The following BNC2 variants were observed in gnomAD, a reference collection of about 807,000 sequenced individuals.
The protein encoded by BNC2 is zinc finger protein basonuclin-2.
A neutral mutation model predicts 76.3 loss-of-function variants in BNC2; 20 were observed. That is an observed-to-expected ratio of 0.26 (90% confidence interval 0.18 to 0.38). BNC2 has a LOEUF of 0.38. Among genes scored for constraint, BNC2 ranks in the 10% least tolerant of loss-of-function variants. The pLI is 1.00. For missense variants in BNC2, 1,382 were observed against 1,399.8 expected (o/e 0.99, Z 0.20); for synonymous variants, 582 against 514.8 (o/e 1.13, Z -1.77).
chr9:16,777,122 G>A (rs1220763065), intron 1 of BNC2, among the ~76,000 whole-genome samples: 1 of 151,356 alleles, frequency 6.6e-6, no homozygotes, highest in Admixed American at 6.6e-5. Context: ...TGAGACTCCT[G>A]TCTCAAAAAA....
At chr9:16,525,564 C>T (rs1030940016) in intron 5 of BNC2, among the ~76,000 whole-genome samples, 1 of 152,154 alleles carries the variant, frequency 6.6e-6, no homozygotes, top group African/African-American at 2.4e-5. Context: ...CCCCTATCAA[C>T]AACCAGAATA....
rs563058551 is a variant in BNC2 at position 16,520,465 on chromosome 9, C to A, written c.669+32065G>T. On this transcript the variant is annotated intron_variant, in intron 5 of 6. Coordinates refer to ENST00000380672, the MANE Select transcript of BNC2 (RefSeq NM_017637.6). ...CAATCTGAATGGAGAGCATGAGATT[C>A]CTATTCCTCTGCAATATTGCAGGTA... Among the ~76,000 whole-genome samples, 23 of 152,254 alleles carry A rather than the reference C, an allele frequency of 1.5e-4. 1 individual carries two copies. Among genetic ancestry groups the A allele is most frequent in the Admixed American group, 1.4e-3 (22 of 15,290 alleles).
At chr9:16,818,872 A>G (rs1231532828) in intron 1 of BNC2, among the ~76,000 whole-genome samples, 2 of 79,336 alleles carry the variant, frequency 2.5e-5, no homozygotes, top group Non-Finnish European at 5.8e-5. Flanking sequence ...GCATTTTTTA[A>G]AGCGGTTAAG....
intron 5 of BNC2, among the ~76,000 whole-genome samples, chr9:16,543,696 T>G (rs1157204830): frequency 2.0e-5 from 3 of 152,220 alleles, no homozygotes; most frequent in Non-Finnish European, 1.5e-5. Context: ...GGTGTTTATT[T>G]TCATTGCCGT....
intron 5 of BNC2, among the ~76,000 whole-genome samples, chr9:16,527,941 A>G (rs1817861588): frequency 6.6e-6 from 1 of 152,198 alleles, no homozygotes; most frequent in African/African-American, 2.4e-5. Context: ...GATAACCATG[A>G]GGTAAATTAC....
chr9:16,528,594 T>C (rs1817882643), intron 5 of BNC2, among the ~76,000 whole-genome samples: 1 of 152,192 alleles, frequency 6.6e-6, no homozygotes, highest in African/African-American at 2.4e-5. Context: ...CAAAATACAA[T>C]AGTTTTAGAA....
chr9:16,735,274 C>G (rs1824631344), intron 2 of BNC2, among the ~76,000 whole-genome samples: 1 of 151,926 alleles, frequency 6.6e-6, no homozygotes, highest in African/African-American at 2.4e-5. Flanking sequence ...AGAAAAGTGA[C>G]TTTATTAATC....
At chr9:16,834,236 T>C (rs2136044900) in intron 1 of BNC2, among the ~76,000 whole-genome samples, 1 of 152,324 alleles carries the variant, frequency 6.6e-6, no homozygotes, top group Non-Finnish European at 1.5e-5. Flanking sequence ...CTGATATTTG[T>C]AGTATTTAAT....
chr9:16,484,120 G>C (rs934286740), intron 5 of BNC2, among the ~76,000 whole-genome samples: 2 of 152,016 alleles, frequency 1.3e-5, no homozygotes, highest in Non-Finnish European at 2.9e-5. Flanking sequence ...CCAAACTCAG[G>C]CACCTCTATC....
chr9:16,820,362 G>A (rs1427258552), intron 1 of BNC2, among the ~76,000 whole-genome samples: 2 of 151,988 alleles, frequency 1.3e-5, no homozygotes, highest in African/African-American at 2.4e-5. Flanking sequence ...GGAGGCAGAG[G>A]TTGCAGTGAG....
chr9:16,823,255 A>G (rs1818381150), intron 1 of BNC2, among the ~76,000 whole-genome samples: 1 of 152,148 alleles, frequency 6.6e-6, no homozygotes, highest in East Asian at 1.9e-4. Flanking sequence ...AGCAAGTAGA[A>G]AAGTTTATAG....
At position 16,665,468 on chromosome 9, in the gene BNC2, AAGAAAGAAAGAAAGAAAGAAAGAG is replaced by A. The variant is rs1305469176; in HGVS notation, c.330+62305_330+62328del. ...AAAGAAAGAAAGAAAGAAAGAAAGA[AAGAAAGAAAGAAAGAAAGAAAGAG>A]AGAGAGAGAAATCACAGCAAATTTC... On this transcript the variant is annotated intron_variant, in intron 3 of 6. Coordinates refer to ENST00000380672, the MANE Select transcript of BNC2 (RefSeq NM_017637.6). Among the ~76,000 whole-genome samples, 406 of 124,634 alleles carry A rather than the reference AAGAAAGAAAGAAAGAAAGAAAGAG, an allele frequency of 3.3e-3. 3 individuals carry two copies. The highest frequency in any genetic ancestry group is 0.012 in the African/African-American group (372 of 32,104). 81.8% of individuals were successfully genotyped at this position (124,634 alleles called of 152,430 possible).
At chr9:16,772,904 C>A (rs1825867518) in intron 1 of BNC2, among the ~76,000 whole-genome samples, 1 of 152,108 alleles carries the variant, frequency 6.6e-6, no homozygotes, top group Admixed American at 6.5e-5. Context: ...GTACTAGCAG[C>A]CTAACTGAAG....
At chr9:16,661,277 G>C (rs994012394) in intron 3 of BNC2, among the ~76,000 whole-genome samples, 1 of 152,096 alleles carries the variant, frequency 6.6e-6, no homozygotes, top group Non-Finnish European at 1.5e-5. Context: ...TCTTACTATA[G>C]CTAGTCCTTA....
Position 16,559,617 on chromosome 9 carries a change from A to G in BNC2, c.434-6852T>C, listed in dbSNP as rs114161736. Among the ~76,000 whole-genome samples, 1,085 of 152,338 alleles carry G rather than the reference A, an allele frequency of 7.1e-3. 14 individuals carry two copies. The highest frequency in any genetic ancestry group is 0.025 in the African/African-American group (1,044 of 41,584). The stretch of plus-strand genomic sequence containing the variant: ...TGTCGGAAGTCCCTAACTGCCAGCA[A>G]TCTGGGCTACTTGCCCATCACTCTG... On this transcript the variant is annotated intron_variant, in intron 4 of 6. Transcript: ENST00000380672.
intron 3 of BNC2, among the ~76,000 whole-genome samples, chr9:16,659,424 A>G (rs1822037936): frequency 6.6e-6 from 1 of 152,050 alleles, no homozygotes; most frequent in Non-Finnish European, 1.5e-5. Flanking sequence ...CCTGGCCAAC[A>G]TGGTGAAACC....
intron 4 of BNC2, among the ~76,000 whole-genome samples, chr9:16,561,779 G>A (rs1819024306): frequency 6.6e-6 from 1 of 152,084 alleles, no homozygotes; most frequent in African/African-American, 2.4e-5. Context: ...TGAGCCAGGT[G>A]GATTGTTTGA....
At position 16,587,368 on chromosome 9, in the gene BNC2, C is replaced by T. The variant is rs909301601; in HGVS notation, c.331-4283G>A. Among the ~76,000 whole-genome samples the T allele has an allele frequency of 7.9e-5, 12 of 152,068 alleles. No individual in the cohort carries two copies. In the East Asian group the frequency reaches 1.9e-3, roughly 25 times the overall value. On this transcript the variant is annotated intron_variant, in intron 3 of 6. Transcript: ENST00000380672. Reference sequence around the variant, plus strand: ...AGCTGGGACTACAGGCGTGCACCATCACGTTGAGCTAAGAATCCTGAGCTA... The same window carrying T: ...AGCTGGGACTACAGGCGTGCACCATTACGTTGAGCTAAGAATCCTGAGCTA...
intron 3 of BNC2, among the ~76,000 whole-genome samples, chr9:16,677,874 A>G (rs936704456): frequency 6.6e-6 from 1 of 152,198 alleles, no homozygotes; most frequent in Non-Finnish European, 1.5e-5. Context: ...AAATTCGCCA[A>G]TGGTCACACA....
Sources: gnomAD v4.1 joint callset for allele counts (sites outside exome capture counted in the v4.1 genomes callset) on GRCh38, gnomAD v4.1.1 for gene constraint, MANE v1.5 for transcripts, NCBI Gene and HGNC (gene_info 2026-07-23, HGNC 2026-07-21) for gene names.